STRN3: variants seen among roughly 807,000 people sequenced by gnomAD.
STRN3 encodes striatin 3.
Under a neutral mutation model 95.6 loss-of-function variants are expected in STRN3, and 29 were observed. The ratio of observed to expected loss-of-function variants is 0.30; its 90% CI spans 0.23 to 0.41. The LOEUF (loss-of-function observed/expected upper bound fraction) is 0.41. Ranked by LOEUF, STRN3 falls within the 10% of genes least tolerant of loss-of-function variation. STRN3 has a pLI of 1.00. For synonymous variants in STRN3, 331 were observed against 357.6 expected, an observed-to-expected ratio of 0.93 and a Z score of 0.84; for missense variants, 890 against 972.1, an observed-to-expected ratio of 0.92 and a Z score of 1.12.
At chr14:30,901,704 A>AAAAC (rs895517870) in intron 16 of STRN3, among the ~76,000 whole-genome samples, 6 of 152,146 alleles carry the variant, frequency 3.9e-5, no homozygotes, top group Admixed American at 6.5e-5. Context: ...AAAGAGGCCC[A>AAAAC]AAACAAACAA....
chr14:30,944,621 A>ATTT (rs58239655), intron 5 of STRN3, among the ~76,000 whole-genome samples: 3 of 115,760 alleles, frequency 2.6e-5, no homozygotes, highest in Admixed American at 9.2e-5. Context: ...ATATATACAC[A>ATTT]TTTTTTTTTT....
intron 3 of STRN3, among the ~76,000 whole-genome samples, chr14:30,953,426 T>C (rs1348286770): frequency 6.6e-6 from 1 of 152,248 alleles, no homozygotes; most frequent in Non-Finnish European, 1.5e-5. Context: ...CATTCAGTTT[T>C]AGTTTGCTCA....
intron 7 of STRN3, among the ~76,000 whole-genome samples, chr14:30,933,152 G>A (rs1440019092): frequency 1.3e-5 from 2 of 151,438 alleles, no homozygotes; most frequent in Non-Finnish European, 2.9e-5. Context: ...GTGGTCACAC[G>A]CCTGTGGTCT....
At chr14:31,015,259 T>C (rs775770191) in intron 1 of STRN3, among the ~76,000 whole-genome samples, 9 of 152,224 alleles carry the variant, frequency 5.9e-5, no homozygotes, top group South Asian at 2.1e-4. Context: ...CAGGTATGAG[T>C]TGCGTTTCCC....
At chr14:30,938,757 A>C (rs1450673127) in intron 5 of STRN3, among the ~76,000 whole-genome samples, 1 of 152,216 alleles carries the variant, frequency 6.6e-6, no homozygotes, top group African/African-American at 2.4e-5. Flanking sequence ...GTATATAAAG[A>C]ACACTTAAAC....
intron 1 of STRN3, among the ~76,000 whole-genome samples, chr14:31,006,134 A>G (rs1308280982): frequency 1.3e-5 from 2 of 151,374 alleles, no homozygotes; most frequent in Non-Finnish European, 2.9e-5. Context: ...AAAAAAAAAA[A>G]AAGAAACAAA....
chr14:30,918,975 C>A lies in STRN3; in HGVS notation c.1231G>T (p.Ala411Ser). 6.3e-7 allele frequency: 1 copy of A among 1,581,626 alleles called. No homozygotes were observed. The change falls in exon 9 of 18, where the codon GCA becomes TCA. Residue 411 changes from alanine to serine, a missense_variant. Physicochemically the swap from Ala to Ser is moderately conservative, Grantham distance 99. This residue lies in a region of STRN3 where 526 missense variants were observed against 526.3 expected (regional missense o/e 1.00). Transcript: ENST00000357479. ...TAGCTAAATTTTGTACCTTCCTCTG[C>A]TCTTGCACCTTCATGATCAGTCATT... ...TRMTDHEGAR[A>S]EEAEPITFPS...
intron 8 of STRN3, among the ~76,000 whole-genome samples, chr14:30,919,728 A>C (rs911870278): frequency 2.0e-5 from 3 of 152,162 alleles, no homozygotes; most frequent in African/African-American, 7.2e-5. Flanking sequence ...CATGAGATAG[A>C]TCTCTGAGTT....
chr14:30,995,642 G>C (rs1413512082), intron 1 of STRN3, among the ~76,000 whole-genome samples: 1 of 152,146 alleles, frequency 6.6e-6, no homozygotes, highest in Non-Finnish European at 1.5e-5. Flanking sequence ...ACCTTAGGAA[G>C]AGTTGCCCAT....
At position 30,911,838 on chromosome 14, in the gene STRN3, A is replaced by C. The variant is rs372551296; in HGVS notation, c.1551-14T>G. 5.4e-5 allele frequency: 87 copies of C among 1,597,710 alleles called. No individual in the cohort carries two copies. Among genetic ancestry groups the C allele is most frequent in the Non-Finnish European group, 7.2e-5 (84 of 1,173,774 alleles). ...AAAGAGGCACTCCTAAAAGAGGGGG[A>C]AAAAGGGTAGGGGAAGAGAAGGCAA... is the stretch of plus-strand genomic sequence containing the variant. On this transcript the variant is annotated splice_polypyrimidine_tract_variant and intron_variant, in intron 11 of 17. Transcript: ENST00000357479.
chr14:30,964,920 CA>C (rs146091120), intron 1 of STRN3, among the ~76,000 whole-genome samples: 7 of 143,704 alleles, frequency 4.9e-5, no homozygotes, highest in East Asian at 2.0e-4. Flanking sequence ...GGCCCCTTCT[CA>C]AAAAAAAAAA....
chr14:30,958,189 T>G (rs927809126), intron 1 of STRN3, among the ~76,000 whole-genome samples: 1 of 150,206 alleles, frequency 6.7e-6, no homozygotes, highest in African/African-American at 2.5e-5. Context: ...AGCATGTTCC[T>G]GTAGACTTAG....
At chr14:30,957,689 T>C (rs1378533853) in intron 1 of STRN3, among the ~76,000 whole-genome samples, 2 of 152,302 alleles carry the variant, frequency 1.3e-5, no homozygotes, top group South Asian at 2.1e-4. Flanking sequence ...AAAGCAATTC[T>C]CTGCCTTTTT....
intron 6 of STRN3, among the ~76,000 whole-genome samples, chr14:30,935,548 T>C (rs1349139741): frequency 4.6e-5 from 7 of 152,306 alleles, no homozygotes; most frequent in South Asian, 4.1e-4. Context: ...TCAAGAACAG[T>C]TAACTTCTTA....
chr14:30,918,260 C>A (rs912783943), intron 9 of STRN3, among the ~76,000 whole-genome samples: 1 of 152,046 alleles, frequency 6.6e-6, no homozygotes, highest in Non-Finnish European at 1.5e-5. Flanking sequence ...GTAATCCCAG[C>A]GCCTTGGGAG....
At chr14:31,002,171 A>C (rs1041923193) in intron 1 of STRN3, among the ~76,000 whole-genome samples, 1 of 123,860 alleles carries the variant, frequency 8.1e-6, no homozygotes, top group African/African-American at 3.1e-5. Context: ...CATCTCAAAA[A>C]AAAAAAAAAA....
At position 30,923,120 on chromosome 14, in the gene STRN3, G is replaced by A. The variant is rs562973443; in HGVS notation, c.1100-4014C>T. 5.9e-5 allele frequency among the ~76,000 whole-genome samples: 9 copies of A among 152,180 alleles called. No homozygotes were observed. The South Asian group carries it at 1.4e-3, about 24-fold the overall frequency. On this transcript the variant is annotated intron_variant, in intron 8 of 17. Transcript: ENST00000357479. ...TAGTACTATGTGCTAAACGGAAGTA[G>A]CTTAATCATAACAGATAATTTGTAG...
intron 1 of STRN3, among the ~76,000 whole-genome samples, chr14:31,024,116 ATTTGGGCACAAGATATCTTTC>A (rs1385703971): frequency 6.6e-6 from 1 of 152,196 alleles, no homozygotes; most frequent in African/African-American, 2.4e-5. Context: ...GGTTTTACTA[ATTTGGGCACAAGATATCTTTC>A]TTCTCAGCTG....
chr14:30,936,627 G>A lies in STRN3; in HGVS notation c.717-3C>T, dbSNP rs763822963. On this transcript the variant is annotated splice_polypyrimidine_tract_variant and splice_region_variant and intron_variant, in intron 5 of 17. Transcript: ENST00000357479. ...TCTCAAGAACATCACCAGAGGACCT[G>A]TGCGAAGGAAAAAAAGATAAATCCA... 1 of 1,598,916 alleles carries A rather than the reference G, an allele frequency of 6.3e-7. No homozygotes were observed. Among genetic ancestry groups the A allele is most frequent in the Non-Finnish European group, 8.5e-7 (1 of 1,176,142 alleles).
Sources: gnomAD v4.1 joint callset for allele counts (sites outside exome capture counted in the v4.1 genomes callset) on GRCh38, gnomAD v4.1.1 for gene constraint, gnomAD v4.1.1 regional missense constraint, MANE v1.5 for transcripts, NCBI Gene and HGNC (gene_info 2026-07-23, HGNC 2026-07-21) for gene names.